Variants in TTLL8 observed in about 807,000 individuals in gnomAD.
TTLL8 encodes the protein tubulin tyrosine ligase like 8.
TTLL8 carries 65 observed loss-of-function variants against 77.8 expected under a neutral mutation model. That is an observed-to-expected ratio of 0.84 (90% confidence interval 0.68 to 1.03). The LOEUF is 1.03. Among genes scored for constraint, TTLL8 ranks in the 50% least tolerant of loss-of-function variants. The probability of loss-of-function intolerance (pLI) is 0.00; values close to 1 mark genes in which losing one functional copy is unlikely to be tolerated. For synonymous variants in TTLL8, 402 were observed against 422.8 expected, an observed-to-expected ratio of 0.95 and a Z score of 0.60; for missense variants, 910 against 1,004.5, an observed-to-expected ratio of 0.91 and a Z score of 1.27.
chr22:50,043,065 C>T (rs926419816), intron 6 of TTLL8, among the ~76,000 whole-genome samples: 24 of 152,154 alleles, frequency 1.6e-4, no homozygotes, highest in South Asian at 4.1e-4. Flanking sequence ...TATTCATGAT[C>T]GTCAAAACCT....
chr22:50,056,378 G>A (rs1315994173), upstream of TTLL8, among the ~76,000 whole-genome samples: 5 of 151,900 alleles, frequency 3.3e-5, no homozygotes, highest in Admixed American at 1.3e-4. The surrounding 1 kb of genome is among the most constrained non-coding windows in gnomAD (Gnocchi z 4.1). Flanking sequence ...AAATGGCAGC[G>A]AGGACACCCA....
chr22:50,049,345 G>A (rs761872133), intron 2 of TTLL8, 23 bp from the exon 5 acceptor site: 2 of 1,367,112 alleles, frequency 1.5e-6, no homozygotes, highest in Non-Finnish European at 2.0e-6. Flanking sequence ...CACAGGGGAG[G>A]CCTGAACATG....
chr22:50,057,445 G>A (rs2061482581), upstream of TTLL8, among the ~76,000 whole-genome samples: 1 of 139,530 alleles, frequency 7.2e-6, no homozygotes, highest in African/African-American at 2.6e-5. Context: ...TCTGGGTTGG[G>A]GGTCAGGTCT....
chr22:50,036,001 C>T (rs893625125), intron 8 of TTLL8, among the ~76,000 whole-genome samples: 1 of 152,232 alleles, frequency 6.6e-6, no homozygotes, highest in Non-Finnish European at 1.5e-5. Context: ...AGGAGCCCAG[C>T]GGAGCACCGC....
intron 2 of TTLL8, among the ~76,000 whole-genome samples, chr22:50,049,577 G>A (rs748973244): frequency 4.8e-4 from 73 of 152,282 alleles, no homozygotes; most frequent in Non-Finnish European, 9.4e-4. Flanking sequence ...TTGGGGGCCC[G>A]GGATTCCTGG....
At chr22:50,021,330 C>T (rs1180582866) in intron 12 of TTLL8, among the ~76,000 whole-genome samples, 7 of 149,664 alleles carry the variant, frequency 4.7e-5, no homozygotes, top group Non-Finnish European at 1.5e-5. Context: ...CTGATGTGCA[C>T]TCCTCCATCT....
At chr22:50,030,244 G>A (rs894216280) in intron 12 of TTLL8, 186 bp downstream of exon 13, 2 of 985,150 alleles carry the variant, frequency 2.0e-6, no homozygotes, top group East Asian at 1.1e-4. Flanking sequence ...CCCGTGCCGG[G>A]CTGGGACAGG....
At chr22:50,047,364 T>C (rs137906) in intron 3 of TTLL8, 68 bp from the exon 6 acceptor site, 1,174,670 of 1,306,388 alleles carry the variant, frequency 0.9, 529,093 homozygotes, top group South Asian at 0.96. Flanking sequence ...TGGGATGGAG[T>C]GAGGCAACCA....
At chr22:50,031,045 A>C in intron 11 of TTLL8, 120 bp from the exon 13 acceptor site, 2 of 904,170 alleles carry the variant, frequency 2.2e-6, no homozygotes, top group Non-Finnish European at 2.9e-6. Flanking sequence ...CTCAGGAGTG[A>C]ACAGTGAACA....
In TTLL8 at chr22:50,049,701, G is replaced by A. The variant is rs78897650; in HGVS notation, c.191-379C>T. Among the ~76,000 whole-genome samples, 8 of 152,254 alleles carry A rather than the reference G, an allele frequency of 5.3e-5. No individual in the cohort carries two copies. The East Asian group carries it at 9.6e-4, about 18-fold the overall frequency. On this transcript the variant is annotated intron_variant, in intron 2 of 13. Coordinates refer to ENST00000266182, the Ensembl canonical transcript of TTLL8. ...GGAGGAGGAGGGGGACATTTGATCCGGGTCTCAATGGGGCCAAGAGGATGC... is the reference window on the plus strand; with the variant it reads ...GGAGGAGGAGGGGGACATTTGATCCAGGTCTCAATGGGGCCAAGAGGATGC...
intron 12 of TTLL8, chr22:50,027,585 A>G: frequency 5.2e-6 from 5 of 968,150 alleles, no homozygotes; most frequent in Non-Finnish European, 4.9e-6. Context: ...TGCAGATTCA[A>G]GGTGATCCCA....
At chr22:50,032,333 C>G (rs953496912) in intron 10 of TTLL8, among the ~76,000 whole-genome samples, 1 of 152,182 alleles carries the variant, frequency 6.6e-6, no homozygotes, top group East Asian at 1.9e-4. Context: ...GCACAGCTCA[C>G]AGCTGGAGGC....
intron 12 of TTLL8, among the ~76,000 whole-genome samples, chr22:50,018,780 G>A (rs186863655): frequency 6.6e-6 from 1 of 152,336 alleles, no homozygotes; most frequent in Non-Finnish European, 1.5e-5. Flanking sequence ...AGAATCTGAC[G>A]CTGTCATGAA....
At chr22:50,053,050 C>T (rs990729166) in intron 1 of TTLL8, among the ~76,000 whole-genome samples, 5 of 152,028 alleles carry the variant, frequency 3.3e-5, no homozygotes, top group Non-Finnish European at 5.9e-5. Flanking sequence ...GGTGAAACCC[C>T]GTCTCTACTA....
chr22:50,042,971 T>G (rs2061381075), intron 6 of TTLL8, among the ~76,000 whole-genome samples: 1 of 152,222 alleles, frequency 6.6e-6, no homozygotes. Context: ...TACCACCCAG[T>G]AAGTGCGTTC....
chr22:50,041,679 C>T lies in TTLL8; in HGVS notation c.772G>A (p.Glu258Lys), dbSNP rs9628315. ...TCCCACTCGGCCTCAGTGAGGTCCT[C>T]CACGGCATCTGCTGACGTGTCGATG... The change falls in exon 7 of 14, where the codon GAG (glutamate) becomes AAG (lysine). Residue 258 changes from glutamate (E) to lysine (K), a missense_variant. Physicochemically the swap from Glu to Lys is moderately conservative, Grantham distance 56. Coordinates refer to ENST00000266182, the Ensembl canonical transcript of TTLL8. The surrounding 1 kb of genome is among the most constrained non-coding windows in gnomAD (Gnocchi z 4.3). The T allele has an allele frequency of 0.48, 650,183 of 1,366,086 alleles. 157,149 individuals are homozygous for T. Among genetic ancestry groups the T allele is most frequent in the Non-Finnish European group, 0.5 (510,190 of 1,021,128 alleles). The allele number at this position is 1,366,086 out of a possible 1,614,324, so 84.6% of individuals were successfully genotyped here. A position where few individuals can be genotyped will look rare whatever the true frequency, so the allele number is the denominator to read the frequency against.
At chr22:50,046,694 G>C (rs906086915) in intron 4 of TTLL8, among the ~76,000 whole-genome samples, 1 of 152,210 alleles carries the variant, frequency 6.6e-6, no homozygotes, top group Non-Finnish European at 1.5e-5. Flanking sequence ...CCCCTCTTCC[G>C]GGACCCCTCC....
At chr22:50,031,518 A>T in intron 11 of TTLL8, 168 bp downstream of exon 12, 1 of 980,988 alleles carries the variant, frequency 1.0e-6, no homozygotes, top group Non-Finnish European at 1.2e-6. Context: ...AGAGCAGGGC[A>T]GGCCTGGGCC....
At chr22:50,057,675 T>A (rs1157686858), upstream of TTLL8, among the ~76,000 whole-genome samples, 2 of 70,252 alleles carry the variant, frequency 2.8e-5, no homozygotes, top group East Asian at 9.4e-4. Flanking sequence ...CAGGTCTGGG[T>A]TTTTGGGGTC....
Sources: gnomAD v4.1 joint callset for allele counts (sites outside exome capture counted in the v4.1 genomes callset) on GRCh38, gnomAD v4.1.1 for gene constraint, Gnocchi (gnomAD v3.1) non-coding constraint, MANE v1.5 for transcripts, NCBI Gene and HGNC (gene_info 2026-07-23, HGNC 2026-07-21) for gene names.